Variants in SKAP2 observed in about 807,000 individuals in gnomAD.
SKAP2 encodes the protein src kinase associated phosphoprotein 2.
In SKAP2, 28 loss-of-function variants were observed where a neutral mutation model predicts 54.9. That is an observed-to-expected ratio of 0.51 (90% confidence interval 0.38 to 0.70). The LOEUF is 0.70. SKAP2 is among the 30% of genes least tolerant of loss of function. SKAP2 has a pLI of 0.00. For synonymous variants in SKAP2, 137 were observed against 134.3 expected, an observed-to-expected ratio of 1.02 and a Z score of -0.14; for missense variants, 356 against 424.1, an observed-to-expected ratio of 0.84 and a Z score of 1.41.
rs889923406 is a variant in SKAP2, at chr7:26,835,213, A to AT, written c.307+8816dup. Among the ~76,000 whole-genome samples, 6 of 152,160 alleles carry AT rather than the reference A, an allele frequency of 3.9e-5. No homozygotes were observed. In the South Asian group the frequency reaches 6.2e-4, roughly 16 times the overall value. ...ATGTATCTCAAAATAATAAGAGCCTATTTTTGACAAACCCACAGCCAATAT... is the reference window on the plus strand; with the variant it reads ...ATGTATCTCAAAATAATAAGAGCCTATTTTTTGACAAACCCACAGCCAATAT... On this transcript the variant is annotated intron_variant, in intron 4 of 12. Transcript: ENST00000345317.
At position 26,854,117 on chromosome 7, in the gene SKAP2, TG is replaced by T. The variant is rs1453896261; in HGVS notation, c.199+19del. 1 of 1,562,330 alleles carries T rather than the reference TG, an allele frequency of 6.4e-7. No individual in the cohort carries two copies. The highest frequency in any genetic ancestry group is 1.7e-4 in the Middle Eastern group (1 of 5,954). ...CACAGAGGAAAAAAATTTTCAAGTT[TG>T]CCAAACATGAAAACTTACCTTTGTC... On this transcript the variant is annotated intron_variant, in intron 3 of 12. Coordinates refer to ENST00000345317, the MANE Select transcript of SKAP2 (RefSeq NM_003930.5).
chr7:26,848,612 T>C (rs1784975765), intron 3 of SKAP2, among the ~76,000 whole-genome samples: 1 of 152,184 alleles, frequency 6.6e-6, no homozygotes, highest in South Asian at 2.1e-4. Context: ...ACTAAACCTG[T>C]ACCTAAAATC....
chr7:26,753,279 G>A (rs1205616071), intron 4 of SKAP2, among the ~76,000 whole-genome samples: 2 of 152,150 alleles, frequency 1.3e-5, no homozygotes, highest in African/African-American at 4.8e-5. Flanking sequence ...TGAGCAAGGG[G>A]ATCATAAGGC....
rs1787683980 is a variant in SKAP2 at position 26,725,478 on chromosome 7, G to A, written c.746C>T (p.Pro249Leu). 1.9e-6 allele frequency: 3 copies of A among 1,611,698 alleles called. No individual in the cohort carries two copies. The highest frequency in any genetic ancestry group is 2.7e-5 in the African/African-American group (2 of 74,750). The change falls in exon 9 of 13, where the codon CCA becomes CTA. Residue 249 changes from proline to leucine, a missense_variant. By Grantham distance (98) the Pro-to-Leu change is moderately conservative (BLOSUM62 -3). Coordinates refer to ENST00000345317, the MANE Select transcript of SKAP2 (RefSeq NM_003930.5). ...DVDHPLPISN[P>L]LTSSQPIDDE... is the part of the protein sequence containing the mutation. ...ATCTATTGGTTGACTGCTTGTTAGT[G>A]GATTGCTTATTGGTAGAGGATGATC...
chr7:26,805,353 T>C (rs1280431467), intron 4 of SKAP2, among the ~76,000 whole-genome samples: 1 of 152,218 alleles, frequency 6.6e-6, no homozygotes, highest in African/African-American at 2.4e-5. Context: ...TATGCTGATT[T>C]TAAAATGAGT....
chr7:26,728,188 C>G (rs1342774111), intron 6 of SKAP2, among the ~76,000 whole-genome samples: 2 of 152,058 alleles, frequency 1.3e-5, no homozygotes. Context: ...TGAAAAAATT[C>G]TACAATAAAC....
At chr7:26,745,387 T>C (rs1341709526) in intron 4 of SKAP2, among the ~76,000 whole-genome samples, 2 of 152,226 alleles carry the variant, frequency 1.3e-5, no homozygotes, top group Non-Finnish European at 2.9e-5. Flanking sequence ...TCTTTTTTCC[T>C]GACAATTCAA....
chr7:26,812,943 T>C (rs904987731), intron 4 of SKAP2, among the ~76,000 whole-genome samples: 1 of 152,158 alleles, frequency 6.6e-6, no homozygotes, highest in Non-Finnish European at 1.5e-5. Flanking sequence ...TTCTTAACTG[T>C]TGAGTTATAA....
intron 6 of SKAP2, among the ~76,000 whole-genome samples, chr7:26,732,902 T>C (rs1224757261): frequency 6.6e-6 from 1 of 152,242 alleles, no homozygotes; most frequent in African/African-American, 2.4e-5. Flanking sequence ...TGCATGTTGA[T>C]GAAATCCTAC....
intron 4 of SKAP2, among the ~76,000 whole-genome samples, chr7:26,750,514 T>C (rs1782659019): frequency 6.6e-6 from 1 of 152,096 alleles, no homozygotes; most frequent in African/African-American, 2.4e-5. Flanking sequence ...TTTCACCATG[T>C]TGGCCAGGCT....
chr7:26,785,713 A>G (rs1783530504), intron 4 of SKAP2, among the ~76,000 whole-genome samples: 1 of 152,180 alleles, frequency 6.6e-6, no homozygotes, highest in South Asian at 2.1e-4. Flanking sequence ...TTGGACTCCT[A>G]AGAAATCCCC....
intron 4 of SKAP2, among the ~76,000 whole-genome samples, chr7:26,764,007 C>A (rs927707711): frequency 1.3e-5 from 2 of 152,148 alleles, no homozygotes; most frequent in Non-Finnish European, 2.9e-5. Context: ...GACTGTTCTT[C>A]TATCATCATC....
At chr7:26,664,930 C>T (rs1198666302), downstream of SKAP2, among the ~76,000 whole-genome samples, 5 of 152,212 alleles carry the variant, frequency 3.3e-5, no homozygotes, top group African/African-American at 1.2e-4. Context: ...ATGACTAAGG[C>T]GACTTTCTGC....
chr7:26,767,467 C>T (rs2195899), intron 4 of SKAP2, among the ~76,000 whole-genome samples: 3 of 151,778 alleles, frequency 2.0e-5, no homozygotes, highest in African/African-American at 4.8e-5. Flanking sequence ...TATCTCCTTC[C>T]GTTCTGCTCT....
At chr7:26,692,710 A>T (rs1786811149) in intron 9 of SKAP2, among the ~76,000 whole-genome samples, 1 of 152,328 alleles carries the variant, frequency 6.6e-6, no homozygotes, top group South Asian at 2.1e-4. Context: ...TTTCTTTTTA[A>T]CAATAGTTAT....
intron 4 of SKAP2, among the ~76,000 whole-genome samples, chr7:26,770,308 C>A (rs1035178353): frequency 6.6e-6 from 1 of 152,172 alleles, no homozygotes; most frequent in African/African-American, 2.4e-5. Context: ...CCTTCCCCCA[C>A]CAAGCTCAAG....
At chr7:26,851,826 G>T (rs755605479) in intron 3 of SKAP2, among the ~76,000 whole-genome samples, 100 of 152,048 alleles carry the variant, frequency 6.6e-4, no homozygotes, top group Admixed American at 1.4e-3. Context: ...GGGAAGTAAG[G>T]AAGGATGATA....
chr7:26,684,659 C>A (rs1243016887), intron 11 of SKAP2, 77 bp downstream of exon 11: 23 of 801,658 alleles, frequency 2.9e-5, no homozygotes, highest in African/African-American at 2.1e-4. Flanking sequence ...TCTTCCCTAG[C>A]TCTGTAAATC....
intron 9 of SKAP2, among the ~76,000 whole-genome samples, chr7:26,695,020 C>A (rs138129346): frequency 6.6e-6 from 1 of 151,978 alleles, no homozygotes; most frequent in Non-Finnish European, 1.5e-5. Flanking sequence ...GCTGACACTG[C>A]TTGAAAAAAG....
Sources: allele counts gnomAD v4.1 joint callset (sites outside exome capture counted in the v4.1 genomes callset), GRCh38; gene constraint gnomAD v4.1.1; transcripts MANE v1.5; gene names NCBI Gene and HGNC (gene_info 2026-07-23, HGNC 2026-07-21).